The following PGM3 variants were observed in gnomAD, a reference collection of about 807,000 sequenced individuals.
PGM3 encodes phosphoacetylglucosamine mutase.
PGM3 carries 40 observed loss-of-function variants against 66.2 expected under a neutral mutation model. The observed-to-expected ratio is 0.60, with a 90% CI of 0.47 to 0.79. The LOEUF is 0.79. PGM3 is among the 30% of genes least tolerant of loss of function. The probability of loss-of-function intolerance (pLI) is 0.00; values close to 1 mark genes in which losing one functional copy is unlikely to be tolerated. For missense variants in PGM3, 537 were observed against 643.4 expected (o/e 0.83, Z 1.79); for synonymous variants, 191 against 224.2 (o/e 0.85, Z 1.32).
intron 8 of PGM3, among the ~76,000 whole-genome samples, chr6:83,177,601 T>C (rs72905809): frequency 0.028 from 4,215 of 152,292 alleles, 81 homozygotes; most frequent in Non-Finnish European, 0.043. Flanking sequence ...TTTGCTAAGA[T>C]AAAAGATGGC....
chr6:83,155,872 C>A, the PGM3 span: 11 of 1,503,376 alleles, frequency 7.3e-6, no homozygotes, highest in Admixed American at 2.3e-4. Flanking sequence ...TGTCATAGAG[C>A]ATCTAGCTAT....
intron 10 of PGM3, among the ~76,000 whole-genome samples, chr6:83,172,707 G>A (rs916441296): frequency 3.9e-5 from 6 of 152,088 alleles, no homozygotes; most frequent in African/African-American, 2.4e-5. Context: ...AGGCAGGCCC[G>A]CAGTTCATTC....
At chr6:83,151,520 G>A in the PGM3 span, 50 of 1,219,050 alleles carry the variant, frequency 4.1e-5, 2 homozygotes, top group Middle Eastern at 8.9e-3. Flanking sequence ...TTAACTCATC[G>A]TGAGAAATTA....
chr6:83,168,008 C>A lies in PGM3; in HGVS notation c.*1226G>T. Reference sequence around the variant, plus strand: ...AAGTCTTCAACAGCAAAGTCACAAGCCGATGTGGAGGACACTCAGGGAGTC... The same window carrying A: ...AAGTCTTCAACAGCAAAGTCACAAGACGATGTGGAGGACACTCAGGGAGTC... On this transcript the variant is annotated 3_prime_UTR_variant, in exon 13 of 13. Coordinates refer to ENST00000513973, the MANE Select transcript of PGM3 (RefSeq NM_015599.3). 1 of 1,614,166 alleles carries A rather than the reference C, an allele frequency of 6.2e-7. No homozygotes were observed. The highest frequency in any genetic ancestry group is 8.5e-7 in the Non-Finnish European group (1 of 1,180,028).
Position 83,172,067 on chromosome 6 carries a change from TG to T in PGM3, c.1243-9del. 2 of 1,611,852 alleles carry T rather than the reference TG, an allele frequency of 1.2e-6. No homozygotes were observed. Among genetic ancestry groups the T allele is most frequent in the Non-Finnish European group, 1.7e-6 (2 of 1,179,466 alleles). ...AATAGCATCACCAGCTGCCTGCAAA[TG>T]GGGAAACAAATGGAAGAAACCACTT... On this transcript the variant is annotated splice_polypyrimidine_tract_variant and intron_variant, in intron 10 of 12. Transcript: ENST00000513973.
chr6:83,187,499 A>C (rs1389423679), intron 3 of PGM3, among the ~76,000 whole-genome samples: 1 of 152,206 alleles, frequency 6.6e-6, no homozygotes, highest in African/African-American at 2.4e-5. Flanking sequence ...CAAATTATCT[A>C]TCTGAAAATA....
At chr6:83,193,273 G>T (rs560907929), upstream of PGM3, 2 of 152,334 alleles carry the variant, frequency 1.3e-5, no homozygotes, top group African/African-American at 2.4e-5. Flanking sequence ...CGCAGACGTG[G>T]CCCTGCGTGG....
the PGM3 span, among the ~76,000 whole-genome samples, chr6:83,155,795 T>C: frequency 6.6e-6 from 1 of 152,232 alleles, no homozygotes; most frequent in African/African-American, 2.4e-5. Flanking sequence ...GTTGGATCTG[T>C]TTGCCAGCCT....
At chr6:83,179,252 C>T (rs921779454) in intron 7 of PGM3, among the ~76,000 whole-genome samples, 3 of 143,756 alleles carry the variant, frequency 2.1e-5, no homozygotes, top group Non-Finnish European at 4.5e-5. Flanking sequence ...GCAGAGGTTG[C>T]AATGAGCCGA....
At chr6:83,153,498 T>G in the PGM3 span, 2 of 1,558,618 alleles carry the variant, frequency 1.3e-6, no homozygotes, top group Non-Finnish European at 1.7e-6. Context: ...CTTCATTTTT[T>G]ATGTTTTCAT....
chr6:83,157,115 G>T, downstream of PGM3: 1 of 1,519,336 alleles, frequency 6.6e-7, no homozygotes, highest in South Asian at 1.2e-5. Flanking sequence ...GTACTGGACC[G>T]ACAATATAGA....
chr6:83,181,926 A>C lies in PGM3; in HGVS notation c.597T>G (p.Ser199=). ...GTGATCTGTATTCATCTCCACTGCAAGAAGCCTACAAAGGAAAAAGACACA... is the reference window on the plus strand; with the variant it reads ...GTGATCTGTATTCATCTCCACTGCACGAAGCCTACAAAGGAAAAAGACACA... The part of the protein sequence containing the change: ...KAFVELTKQA[S]CSGDEYRSLK... Residue 199 remains serine, a synonymous_variant, in exon 6 of 13, where the codon TCT becomes TCG. Coordinates refer to ENST00000513973, the MANE Select transcript of PGM3 (RefSeq NM_015599.3). The C allele has an allele frequency of 6.3e-7, 1 of 1,583,098 alleles. No homozygotes were observed. The highest frequency in any genetic ancestry group is 8.5e-7 in the Non-Finnish European group (1 of 1,170,248).
At chr6:83,171,100 G>A in intron 11 of PGM3, 1 of 152,280 alleles carries the variant, frequency 6.6e-6, no homozygotes, top group Non-Finnish European at 1.5e-5. Context: ...AGCACTTTGG[G>A]AGGCCAAGGG....
the PGM3 span, chr6:83,153,521 A>C: frequency 6.3e-7 from 1 of 1,599,038 alleles, no homozygotes; most frequent in Non-Finnish European, 8.5e-7. Flanking sequence ...GTTTTGGCTC[A>C]TCTTTTGGAT....
intron 10 of PGM3, 61 bp from the exon 11 acceptor site, chr6:83,172,120 G>A (rs1347993116): frequency 1.9e-6 from 3 of 1,571,574 alleles, no homozygotes; most frequent in East Asian, 2.2e-5. Flanking sequence ...GGAAATGGAT[G>A]TTTTTTCTTA....
downstream of PGM3, among the ~76,000 whole-genome samples, chr6:83,157,496 C>T (rs781044387): frequency 1.3e-5 from 2 of 152,178 alleles, no homozygotes; most frequent in African/African-American, 4.8e-5. Context: ...TTCCATACAG[C>T]TTAAATTTAC....
chr6:83,181,734 A>G lies in PGM3; in HGVS notation c.787+2T>C. 6.2e-7 allele frequency: 1 copy of G among 1,605,784 alleles called. No individual in the cohort carries two copies. Among genetic ancestry groups the G allele is most frequent in the Non-Finnish European group, 8.5e-7 (1 of 1,176,420 alleles). ...AATTTTTGCAGTGCTAGTACGACAT[A>G]CCCTGTGGAGGTTTCTGATGACTTT... On this transcript the variant is annotated splice_donor_variant, in intron 6 of 12. Coordinates refer to ENST00000513973, the MANE Select transcript of PGM3 (RefSeq NM_015599.3). LOFTEE classifies it high-confidence loss of function.
chr6:83,170,592 CTTCT>C (rs1449379935), intron 11 of PGM3, 114 bp from the exon 12 acceptor site: 1 of 810,192 alleles, frequency 1.2e-6, no homozygotes. Context: ...TACATTAAAA[CTTCT>C]TTCTCCAAGG....
At chr6:83,162,941 G>C (rs199686549), downstream of PGM3, 2 of 1,603,664 alleles carry the variant, frequency 1.2e-6, no homozygotes, top group Non-Finnish European at 1.7e-6. Context: ...TTTTGTGATT[G>C]TTTTGTTTTA....
Sources: allele counts gnomAD v4.1 joint callset (sites outside exome capture counted in the v4.1 genomes callset), GRCh38; gene constraint gnomAD v4.1.1; transcripts MANE v1.5; gene names NCBI Gene and HGNC (gene_info 2026-07-23, HGNC 2026-07-21).